The following EXOC4 variants were observed in gnomAD, a reference collection of about 807,000 sequenced individuals.
The protein encoded by EXOC4 is SEC8-like 1.
In EXOC4, 71 loss-of-function variants were observed where a neutral mutation model predicts 107.2. The ratio of observed to expected loss-of-function variants is 0.66; its 90% confidence interval spans 0.55 to 0.81. The LOEUF is 0.81. Among genes scored for constraint, EXOC4 ranks in the 30% least tolerant of loss-of-function variants. The pLI is 0.00. For synonymous variants in EXOC4, 456 were observed against 441.2 expected, an observed-to-expected ratio of 1.03 and a Z score of -0.42; for missense variants, 1,108 against 1,189.6, an observed-to-expected ratio of 0.93 and a Z score of 1.01.
intron 17 of EXOC4, among the ~76,000 whole-genome samples, chr7:134,055,104 G>A (rs1795892044): frequency 6.6e-6 from 1 of 152,176 alleles, no homozygotes; most frequent in Non-Finnish European, 1.5e-5. Flanking sequence ...AAATAATCCA[G>A]AGTTTTTTGG....
intron 6 of EXOC4, among the ~76,000 whole-genome samples, chr7:133,372,940 T>C (rs1323105317): frequency 6.6e-6 from 1 of 152,240 alleles, no homozygotes; most frequent in Admixed American, 6.5e-5. Context: ...ACAAAAGATA[T>C]AATGTTAAAT....
intron 10 of EXOC4, among the ~76,000 whole-genome samples, chr7:133,700,871 G>A (rs754203279): frequency 6.6e-6 from 1 of 152,024 alleles, no homozygotes; most frequent in Non-Finnish European, 1.5e-5. Flanking sequence ...TAGTTTAGTA[G>A]TGTCTGTTGT....
At chr7:133,685,344 T>G (rs950959407) in intron 10 of EXOC4, among the ~76,000 whole-genome samples, 1 of 152,154 alleles carries the variant, frequency 6.6e-6, no homozygotes, top group Non-Finnish European at 1.5e-5. Context: ...CTCTTCCCCC[T>G]TTGCTCGGCA....
the EXOC4 span, among the ~76,000 whole-genome samples, chr7:134,096,297 G>A: frequency 1.3e-5 from 2 of 152,166 alleles, no homozygotes; most frequent in Admixed American, 6.5e-5. Context: ...ACATTTTAAA[G>A]TGGTGTGCTG....
chr7:133,398,668 C>G (rs1163317376), intron 7 of EXOC4, among the ~76,000 whole-genome samples: 1 of 152,104 alleles, frequency 6.6e-6, no homozygotes, highest in African/African-American at 2.4e-5. Context: ...AAAAGCAGAA[C>G]AAGACATTTG....
chr7:133,700,866 T>C (rs1333806836), intron 10 of EXOC4, among the ~76,000 whole-genome samples: 3 of 152,126 alleles, frequency 2.0e-5, no homozygotes, highest in Non-Finnish European at 2.9e-5. Flanking sequence ...TAACTTAGTT[T>C]AGTAGTGTCT....
chr7:133,685,727 T>A (rs370179515), intron 10 of EXOC4, among the ~76,000 whole-genome samples: 1 of 152,208 alleles, frequency 6.6e-6, no homozygotes, highest in East Asian at 1.9e-4. Context: ...AATGAAAATG[T>A]TAAATATTTA....
intron 7 of EXOC4, among the ~76,000 whole-genome samples, chr7:133,416,352 A>C (rs1198391024): frequency 6.6e-6 from 1 of 152,206 alleles, no homozygotes; most frequent in Non-Finnish European, 1.5e-5. Context: ...GTTCTGATTT[A>C]GATACCTAGA....
chr7:133,965,675 T>C (rs1204547395), intron 14 of EXOC4, among the ~76,000 whole-genome samples: 2 of 152,188 alleles, frequency 1.3e-5, no homozygotes. Context: ...TTCTGTTCCA[T>C]TGGTCTATAT....
At position 133,317,487 on chromosome 7, in the gene EXOC4, C is replaced by G. The variant is rs571688827; in HGVS notation, c.763+97C>G. 1.4e-5 allele frequency: 12 copies of G among 834,114 alleles called. No homozygotes were observed. The East Asian group carries it at 2.5e-4, about 17-fold the overall frequency. 51.7% of individuals were successfully genotyped at this position (834,114 alleles called of 1,614,324 possible). A position where few individuals can be genotyped will look rare whatever the true frequency, so the allele number is the denominator to read the frequency against. On this transcript the variant is annotated intron_variant, in intron 5 of 17. Transcript: ENST00000253861. ...TTTTTGGGGGCTGAGCTAGGTTGGGCTGGGCTAGGTGGGCCTGAGCTAGGT... is the reference window on the plus strand; with the variant it reads ...TTTTTGGGGGCTGAGCTAGGTTGGGGTGGGCTAGGTGGGCCTGAGCTAGGT...
chr7:134,033,584 G>A (rs1037470368), intron 17 of EXOC4, among the ~76,000 whole-genome samples: 10 of 152,088 alleles, frequency 6.6e-5, no homozygotes, highest in Non-Finnish European at 1.3e-4. Context: ...ATTGGAGTCC[G>A]AGGAAAAGAG....
At chr7:133,367,070 T>C (rs1229163400) in intron 6 of EXOC4, among the ~76,000 whole-genome samples, 1 of 152,004 alleles carries the variant, frequency 6.6e-6, no homozygotes, top group African/African-American at 2.4e-5. Context: ...TTTACTGATG[T>C]AGAGAACATG....
chr7:133,856,229 A>G (rs79807680), intron 11 of EXOC4, among the ~76,000 whole-genome samples: 1 of 152,348 alleles, frequency 6.6e-6, no homozygotes, highest in Non-Finnish European at 1.5e-5. Flanking sequence ...ACCAATCTAC[A>G]GCACCTATAT....
intron 11 of EXOC4, among the ~76,000 whole-genome samples, chr7:133,853,391 CACACACAA>C (rs1309697464): frequency 2.3e-5 from 3 of 128,734 alleles, no homozygotes; most frequent in African/African-American, 9.7e-5. Context: ...CACACACACA[CACACACAA>C]CTTTTTAGAG....
intron 9 of EXOC4, among the ~76,000 whole-genome samples, chr7:133,515,279 C>T (rs1193204473): frequency 5.9e-5 from 9 of 151,650 alleles, no homozygotes; most frequent in Admixed American, 5.9e-4. Context: ...GTTTGTAAAA[C>T]CTGTATATCT....
intron 9 of EXOC4, among the ~76,000 whole-genome samples, chr7:133,602,355 T>C (rs976258757): frequency 6.6e-6 from 1 of 152,188 alleles, no homozygotes; most frequent in Admixed American, 6.5e-5. Context: ...TGACTGTTTT[T>C]GAAAGAATTG....
At chr7:134,087,283 G>A in the EXOC4 span, among the ~76,000 whole-genome samples, 9 of 152,280 alleles carry the variant, frequency 5.9e-5, no homozygotes, top group African/African-American at 2.2e-4. Context: ...AGGCAGAATA[G>A]GGGTGATGAT....
intron 5 of EXOC4, among the ~76,000 whole-genome samples, chr7:133,318,824 TTAG>T (rs2150583515): frequency 1.3e-5 from 2 of 152,352 alleles, no homozygotes; most frequent in African/African-American, 4.8e-5. Flanking sequence ...CTTTGTTTAA[TTAG>T]TAGCCAAGTT....
chr7:133,918,473 T>G (rs913058092), intron 13 of EXOC4, among the ~76,000 whole-genome samples: 1 of 152,252 alleles, frequency 6.6e-6, no homozygotes, highest in African/African-American at 2.4e-5. Flanking sequence ...GTTCTTAACA[T>G]GTTCTCCAGT....
Sources: allele counts gnomAD v4.1 joint callset (sites outside exome capture counted in the v4.1 genomes callset), GRCh38; gene constraint gnomAD v4.1.1; transcripts MANE v1.5; gene names NCBI Gene and HGNC (gene_info 2026-07-23, HGNC 2026-07-21).